Variants in EPHB1 observed in about 807,000 individuals in gnomAD.
The protein encoded by EPHB1 is ephrin type-B receptor 1.
EPHB1 carries 30 observed loss-of-function variants against 94.4 expected under a neutral mutation model. The observed-to-expected ratio is 0.32, with a 90% CI of 0.24 to 0.43. The LOEUF is 0.43. Ranked by LOEUF, EPHB1 falls within the 20% of genes least tolerant of loss-of-function variation. The pLI is 1.00. For missense variants in EPHB1, 1,055 were observed against 1,308.3 expected (o/e 0.81, Z 2.99); for synonymous variants, 522 against 489.1 (o/e 1.07, Z -0.89).
chr3:135,185,022 AT>A (rs1942293262), intron 10 of EPHB1, among the ~76,000 whole-genome samples: 1 of 152,254 alleles, frequency 6.6e-6, no homozygotes, highest in South Asian at 2.1e-4. Context: ...CTGTCAGTGT[AT>A]GACTACATAG....
At chr3:134,961,451 T>G (rs1933515207) in intron 3 of EPHB1, among the ~76,000 whole-genome samples, 1 of 152,250 alleles carries the variant, frequency 6.6e-6, no homozygotes, top group African/African-American at 2.4e-5. Context: ...GGGGTGGAAC[T>G]TTTATACAAA....
At chr3:134,885,387 A>G (rs749204470) in intron 1 of EPHB1, among the ~76,000 whole-genome samples, 1 of 152,222 alleles carries the variant, frequency 6.6e-6, no homozygotes, top group African/African-American at 2.4e-5. Context: ...CCACTGCAGA[A>G]TGAAAAGCGA....
At chr3:135,035,333 G>A (rs1936611488) in intron 3 of EPHB1, among the ~76,000 whole-genome samples, 1 of 152,192 alleles carries the variant, frequency 6.6e-6, no homozygotes, top group East Asian at 1.9e-4. Flanking sequence ...TCCACTGAAA[G>A]AAACTGGCTT....
intron 10 of EPHB1, among the ~76,000 whole-genome samples, chr3:135,185,014 G>T (rs1942293004): frequency 6.6e-6 from 1 of 152,254 alleles, no homozygotes; most frequent in Non-Finnish European, 1.5e-5. Context: ...AAGCATGACT[G>T]TCAGTGTATG....
At chr3:134,991,774 T>C (rs1934810934) in intron 3 of EPHB1, among the ~76,000 whole-genome samples, 1 of 152,168 alleles carries the variant, frequency 6.6e-6, no homozygotes, top group Admixed American at 6.5e-5. Flanking sequence ...CCTCCCTTTC[T>C]TCCCTCCTCA....
At chr3:135,068,108 C>T (rs1176030833) in intron 3 of EPHB1, among the ~76,000 whole-genome samples, 1 of 152,082 alleles carries the variant, frequency 6.6e-6, no homozygotes, top group African/African-American at 2.4e-5. Flanking sequence ...GTCTGTGTGT[C>T]CTCTCGGGAT....
Position 135,259,996 on chromosome 3 carries a change from G to A in EPHB1, c.*876G>A, listed in dbSNP as rs115300629. The A allele has an allele frequency of 8.9e-3, 2,055 of 232,190 alleles. 42 individuals carry two copies. Among genetic ancestry groups the A allele is most frequent in the African/African-American group, 0.042 (1,909 of 45,326 alleles). 14.4% of individuals were successfully genotyped at this position (232,190 alleles called of 1,614,324 possible). A position where few individuals can be genotyped will look rare whatever the true frequency, so the allele number is the denominator to read the frequency against. ...GTTTGGCTTTCTGGTTGGCCCAATC[G>A]GCCTATTGGCTCAATGGGAAGAGAG... is the stretch of plus-strand genomic sequence containing the variant. On this transcript the variant is annotated 3_prime_UTR_variant, in exon 16 of 16. Coordinates refer to ENST00000398015, the MANE Select transcript of EPHB1 (RefSeq NM_004441.5).
Position 135,241,190 on chromosome 3 carries a change from G to A in EPHB1, c.2389G>A (p.Ala797Thr), listed in dbSNP as rs779665397. 5.6e-6 allele frequency: 9 copies of A among 1,614,184 alleles called. No homozygotes were observed. The Admixed American group carries it at 6.7e-5, about 12-fold the overall frequency. ...PVRWTAPEAIAYRKFTSASDV... is the reference protein window; with the variant it reads ...PVRWTAPEAITYRKFTSASDV... ...GAGATGGACAGCTCCAGAGGCCATC[G>A]CCTACCGCAAGTTCACTTCAGCCAG... is the stretch of plus-strand genomic sequence containing the variant. Residue 797 changes from alanine (A) to threonine (T), a missense_variant, in exon 13 of 16, where the codon GCC becomes ACC. Coordinates refer to ENST00000398015, the MANE Select transcript of EPHB1 (RefSeq NM_004441.5).
chr3:134,922,902 C>CCCTGTT (rs2038716657), intron 1 of EPHB1, among the ~76,000 whole-genome samples: 1 of 152,218 alleles, frequency 6.6e-6, no homozygotes, highest in Non-Finnish European at 1.5e-5. Context: ...CCAACTCCGC[C>CCCTGTT]ACAAGGATTC....
At chr3:134,972,392 A>G (rs1227453391) in intron 3 of EPHB1, among the ~76,000 whole-genome samples, 1 of 146,454 alleles carries the variant, frequency 6.8e-6, no homozygotes, top group East Asian at 2.0e-4. Flanking sequence ...ATATAAATAT[A>G]TAAGTATATT....
chr3:135,118,188 C>G (rs1013209247), intron 4 of EPHB1, among the ~76,000 whole-genome samples: 1 of 152,156 alleles, frequency 6.6e-6, no homozygotes, highest in Non-Finnish European at 1.5e-5. Context: ...CGTGCCCATA[C>G]CCACACCCGT....
chr3:134,861,064 G>A (rs888515285), intron 1 of EPHB1, among the ~76,000 whole-genome samples: 1 of 152,162 alleles, frequency 6.6e-6, no homozygotes, highest in African/African-American at 2.4e-5. Flanking sequence ...AGGGCCCCAG[G>A]AGGAAACTGG....
intron 3 of EPHB1, among the ~76,000 whole-genome samples, chr3:135,070,905 C>A (rs1054086254): frequency 6.6e-6 from 1 of 152,122 alleles, no homozygotes; most frequent in African/African-American, 2.4e-5. Flanking sequence ...GAGATCAGAT[C>A]ATAAGCTCTT....
At chr3:134,817,400 A>G (rs2036291680) in intron 1 of EPHB1, among the ~76,000 whole-genome samples, 1 of 152,202 alleles carries the variant, frequency 6.6e-6, no homozygotes, top group Admixed American at 6.5e-5. Flanking sequence ...GCTTCTGGCC[A>G]GCGTGGCAGA....
At chr3:134,982,759 G>A (rs1200491553) in intron 3 of EPHB1, among the ~76,000 whole-genome samples, 1 of 152,070 alleles carries the variant, frequency 6.6e-6, no homozygotes, top group African/African-American at 2.4e-5. Flanking sequence ...ATTAAACAGA[G>A]CTTTTAAAGG....
At chr3:134,955,733 C>T (rs1933244074) in intron 3 of EPHB1, among the ~76,000 whole-genome samples, 1 of 152,192 alleles carries the variant, frequency 6.6e-6, no homozygotes, top group Non-Finnish European at 1.5e-5. Flanking sequence ...TCTTTACACA[C>T]AGGCTGGTCC....
intron 1 of EPHB1, among the ~76,000 whole-genome samples, chr3:134,902,903 G>A (rs568169795): frequency 2.6e-5 from 4 of 152,282 alleles, no homozygotes; most frequent in Non-Finnish European, 5.9e-5. Context: ...TCTCTATAAC[G>A]GTTAGTTTAG....
chr3:134,823,017 G>A (rs905317394), intron 1 of EPHB1, among the ~76,000 whole-genome samples: 1 of 152,074 alleles, frequency 6.6e-6, no homozygotes, highest in Non-Finnish European at 1.5e-5. Context: ...TGTTGCGAGG[G>A]GTACATGACT....
chr3:134,847,108 T>C (rs981385066), intron 1 of EPHB1, among the ~76,000 whole-genome samples: 2 of 151,898 alleles, frequency 1.3e-5, no homozygotes, highest in African/African-American at 4.8e-5. Flanking sequence ...TAACAGAACG[T>C]GGCCTTCCCT....
Sources: gnomAD v4.1 joint callset for allele counts (sites outside exome capture counted in the v4.1 genomes callset) on GRCh38, gnomAD v4.1.1 for gene constraint, MANE v1.5 for transcripts, NCBI Gene and HGNC (gene_info 2026-07-23, HGNC 2026-07-21) for gene names.